The following DAB1 variants were observed in gnomAD, a reference collection of about 807,000 sequenced individuals.
DAB1 encodes disabled homolog 1.
A neutral mutation model predicts 64.6 loss-of-function variants in DAB1; 15 were observed. The observed-to-expected ratio is 0.23, with a 90% CI of 0.16 to 0.36. The LOEUF (loss-of-function observed/expected upper bound fraction) is 0.36, where lower values mean the gene tolerates loss of function less well. Among genes scored for constraint, DAB1 ranks in the 10% least tolerant of loss-of-function variants. The pLI is 1.00. For missense variants in DAB1, 596 were observed against 706.7 expected (o/e 0.84, Z 1.78); for synonymous variants, 235 against 251.9 (o/e 0.93, Z 0.64).
chr1:58,480,821 G>A (rs1300224469), intron 3 of DAB1: 1 of 532,258 alleles, frequency 1.9e-6, no homozygotes, highest in Non-Finnish European at 3.1e-6. Flanking sequence ...AATTCTAGAA[G>A]AATTTAGATA....
chr1:57,834,674 T>C lies in DAB1; in HGVS notation n.88-8219A>G, dbSNP rs563470724. Among the ~76,000 whole-genome samples the C allele has an allele frequency of 2.0e-5, 3 of 151,692 alleles. No homozygotes were observed. The East Asian group carries it at 5.8e-4, about 29-fold the overall frequency. ...AACTGCACATATACGTATGTGTACA[T>C]ATATATGTGTATAGATATATATTAT... On this transcript the variant is annotated intron_variant and non_coding_transcript_variant, in intron 1 of 1. Transcript: ENST00000477280.
intron 14 of DAB1, among the ~76,000 whole-genome samples, chr1:57,001,462 T>C (rs1283768200): frequency 1.3e-5 from 2 of 152,166 alleles, no homozygotes; most frequent in Non-Finnish European, 2.9e-5. Flanking sequence ...TTCTAGAGCA[T>C]GAATCAAAAC....
intron 7 of DAB1, among the ~76,000 whole-genome samples, chr1:57,436,384 A>G (rs1267605653): frequency 6.6e-6 from 1 of 152,198 alleles, no homozygotes; most frequent in South Asian, 2.1e-4. Context: ...AACTACTCTT[A>G]AGAGCTGCGC....
intron 7 of DAB1, among the ~76,000 whole-genome samples, chr1:57,482,511 A>G (rs1318377586): frequency 6.6e-6 from 1 of 151,310 alleles, no homozygotes; most frequent in African/African-American, 2.4e-5. Flanking sequence ...AAAACAAGAA[A>G]AGCTATTGCA....
intron 6 of DAB1, among the ~76,000 whole-genome samples, chr1:57,794,600 T>C (rs1650754836): frequency 6.6e-6 from 1 of 152,202 alleles, no homozygotes; most frequent in Admixed American, 6.5e-5. Context: ...ATGCCTCCAT[T>C]GTACCTAAGC....
chr1:57,328,525 C>T (rs989892822), intron 1 of DAB1, among the ~76,000 whole-genome samples: 1 of 152,192 alleles, frequency 6.6e-6, no homozygotes, highest in Non-Finnish European at 1.5e-5. Context: ...AGTAGGGAAG[C>T]ACGTTTTATA....
chr1:57,144,918 GC>G (rs1272291115), intron 3 of DAB1, among the ~76,000 whole-genome samples: 1 of 151,810 alleles, frequency 6.6e-6, no homozygotes, highest in African/African-American at 2.4e-5. Flanking sequence ...TTACCATATG[GC>G]AAAAATATAT....
intron 5 of DAB1, among the ~76,000 whole-genome samples, chr1:58,087,364 A>T (rs935487866): frequency 1.8e-4 from 27 of 152,240 alleles, no homozygotes; most frequent in African/African-American, 6.5e-4. Flanking sequence ...TGAATCCATC[A>T]GAAGCTAAAA....
At chr1:57,698,222 G>A (rs1039347969) in intron 6 of DAB1, among the ~76,000 whole-genome samples, 1 of 151,616 alleles carries the variant, frequency 6.6e-6, no homozygotes. Context: ...AAGTAGCTGG[G>A]ACTACAAGCA....
At chr1:57,779,717 T>C (rs529784830) in intron 6 of DAB1, among the ~76,000 whole-genome samples, 1 of 152,336 alleles carries the variant, frequency 6.6e-6, no homozygotes, top group African/African-American at 2.4e-5. Context: ...AAGTCAGACA[T>C]ATGCCAAGTA....
chr1:58,085,699 TA>T (rs113315429), intron 5 of DAB1, among the ~76,000 whole-genome samples: 27 of 149,226 alleles, frequency 1.8e-4, no homozygotes, highest in African/African-American at 2.9e-4. Flanking sequence ...CAGTCTCTTT[TA>T]AAAAAAAAAG....
intron 5 of DAB1, among the ~76,000 whole-genome samples, chr1:58,110,108 AG>A (rs1323916696): frequency 6.6e-6 from 1 of 152,230 alleles, no homozygotes; most frequent in Non-Finnish European, 1.5e-5. Flanking sequence ...CTCCACATTC[AG>A]GAAGCTGACC....
chr1:57,244,230 G>A (rs1002154565), intron 2 of DAB1, among the ~76,000 whole-genome samples: 3 of 152,006 alleles, frequency 2.0e-5, no homozygotes, highest in Non-Finnish European at 2.9e-5. Flanking sequence ...TCGATTCTCC[G>A]AATAAACAGT....
At chr1:57,324,731 C>T (rs1676015903) in intron 1 of DAB1, among the ~76,000 whole-genome samples, 1 of 152,158 alleles carries the variant, frequency 6.6e-6, no homozygotes, top group African/African-American at 2.4e-5. Context: ...TTCTCAGCCT[C>T]TCAGCCCTTG....
At chr1:57,599,448 C>CT (rs59707001) in intron 7 of DAB1, among the ~76,000 whole-genome samples, 65,673 of 151,460 alleles carry the variant, frequency 0.43, 16,187 homozygotes, top group Non-Finnish European at 0.54. Flanking sequence ...TGGAAATAGC[C>CT]GTTATAATGC....
intron 6 of DAB1, among the ~76,000 whole-genome samples, chr1:57,684,987 T>G (rs775460675): frequency 4.0e-5 from 6 of 151,636 alleles, no homozygotes; most frequent in Non-Finnish European, 8.8e-5. Flanking sequence ...GGAGTCTTGC[T>G]CTGTCACCCA....
In DAB1 at chr1:58,245,751, AT is replaced by A. The variant is rs1308877088; in HGVS notation, n.310-95164del. ...GGCTACTGTGAAGATTAAGCAAACA[AT>A]TTTTAATGTAATTTAAAATTTAAAC... On this transcript the variant is annotated intron_variant and non_coding_transcript_variant, in intron 4 of 20. Coordinates refer to the DAB1 transcript ENST00000485760. Among the ~76,000 whole-genome samples, 69 of 152,192 alleles carry A rather than the reference AT, an allele frequency of 4.5e-4. 2 individuals carry two copies. The highest frequency in any genetic ancestry group is 4.5e-3 in the Admixed American group (69 of 15,282).
rs528826851 is a variant in DAB1 at position 57,850,302 on chromosome 1, G to A, written n.88-23847C>T. 1.3e-3 allele frequency among the ~76,000 whole-genome samples: 194 copies of A among 152,258 alleles called. 1 individual carries two copies. Among genetic ancestry groups the A allele is most frequent in the African/African-American group, 4.6e-3 (193 of 41,538 alleles). On this transcript the variant is annotated intron_variant and non_coding_transcript_variant, in intron 1 of 1. Transcript: ENST00000477280. ...TTAATCAGTACCAAAGTGGCTTAGT[G>A]CCTTTCTACCTTCACATTAGATTTG...
intron 6 of DAB1, among the ~76,000 whole-genome samples, chr1:57,712,424 A>C (rs1017140967): frequency 2.6e-5 from 4 of 152,258 alleles, no homozygotes; most frequent in Non-Finnish European, 5.9e-5. Context: ...GTTTAGAGAT[A>C]ATTGAATCAA....
Sources: allele counts gnomAD v4.1 joint callset (sites outside exome capture counted in the v4.1 genomes callset), GRCh38; gene constraint gnomAD v4.1.1; transcripts MANE v1.5; gene names NCBI Gene and HGNC (gene_info 2026-07-23, HGNC 2026-07-21).